Variants in SYNDIG1L observed in about 807,000 individuals in gnomAD.
SYNDIG1L encodes synapse differentiation inducing 1 like, also known as synapse differentiation-inducing gene protein 1-like.
SYNDIG1L carries 13 observed loss-of-function variants against 20.1 expected under a neutral mutation model. That is an observed-to-expected ratio of 0.65 (90% confidence interval 0.42 to 1.03). SYNDIG1L has a LOEUF of 1.03. Among genes scored for constraint, SYNDIG1L ranks in the 50% least tolerant of loss-of-function variants. The probability of loss-of-function intolerance (pLI) is 0.00; values close to 1 mark genes in which losing one functional copy is unlikely to be tolerated. For missense variants in SYNDIG1L, 294 were observed against 305.1 expected (o/e 0.96, Z 0.27); for synonymous variants, 128 against 129.3 (o/e 0.99, Z 0.07).
chr14:74,416,646 A>AAACC (rs758538204), intron 1 of SYNDIG1L, among the ~76,000 whole-genome samples: 73 of 146,086 alleles, frequency 5.0e-4, no homozygotes, highest in African/African-American at 1.9e-3. Context: ...AAACAAAAAC[A>AAACC]AACCAAACAA....
chr14:74,428,686 G>A (rs2086283444), upstream of SYNDIG1L, among the ~76,000 whole-genome samples: 1 of 152,198 alleles, frequency 6.6e-6, no homozygotes, highest in African/African-American at 2.4e-5. Context: ...CAGTCACCAG[G>A]CAGGCCATGG....
the SYNDIG1L span, among the ~76,000 whole-genome samples, chr14:74,448,423 G>A: frequency 1.3e-5 from 2 of 152,080 alleles, no homozygotes; most frequent in Non-Finnish European, 2.9e-5. Context: ...TTATAATGAT[G>A]AAAATGTTAA....
chr14:74,434,141 T>G, the SYNDIG1L span, among the ~76,000 whole-genome samples: 2 of 152,380 alleles, frequency 1.3e-5, no homozygotes, highest in African/African-American at 4.8e-5. Flanking sequence ...TGTCCCTTGA[T>G]GGAGGTAACT....
At chr14:74,478,100 C>A in the SYNDIG1L span, among the ~76,000 whole-genome samples, 1 of 152,186 alleles carries the variant, frequency 6.6e-6, no homozygotes, top group Non-Finnish European at 1.5e-5. Flanking sequence ...TCTGAAATAT[C>A]TACTTATACT....
chr14:74,462,923 C>T, the SYNDIG1L span, among the ~76,000 whole-genome samples: 1 of 152,124 alleles, frequency 6.6e-6, no homozygotes, highest in Non-Finnish European at 1.5e-5. Flanking sequence ...AGTGACAGTC[C>T]ATCCCTTCTG....
Position 74,412,094 on chromosome 14 carries a change from A to G in SYNDIG1L, c.-57-2293T>C, listed in dbSNP as rs187435906. 1.2e-3 allele frequency among the ~76,000 whole-genome samples: 186 copies of G among 152,328 alleles called. 1 individual carries two copies. The highest frequency in any genetic ancestry group is 2.1e-3 in the Non-Finnish European group (141 of 68,016). Reference sequence around the variant, plus strand: ...CTTGGATCATAGTTCTTCAGTGCTCACAAATGCAGGGCCTCCTCCTTCCTC... The same window carrying G: ...CTTGGATCATAGTTCTTCAGTGCTCGCAAATGCAGGGCCTCCTCCTTCCTC... On this transcript the variant is annotated intron_variant, in intron 1 of 3. Coordinates refer to ENST00000331628, the MANE Select transcript of SYNDIG1L (RefSeq NM_001105579.2).
Position 74,409,761 on chromosome 14 carries a change from C to G in SYNDIG1L, c.-17G>C, listed in dbSNP as rs1252210223. 2 of 1,413,392 alleles carry G rather than the reference C, an allele frequency of 1.4e-6. No individual in the cohort carries two copies. The highest frequency in any genetic ancestry group is 2.9e-5 in the African/African-American group (2 of 69,072). 87.6% of individuals were successfully genotyped at this position (1,413,392 alleles called of 1,614,324 possible). A position where few individuals can be genotyped will look rare whatever the true frequency, so the allele number is the denominator to read the frequency against. ...ACTCTCCATGGTTCTGGGGCAGCTG[C>G]TGGGGAGGGGGGCCTGGGCCAGCTG... On this transcript the variant is annotated 5_prime_UTR_variant, in exon 2 of 4. Coordinates refer to ENST00000331628, the MANE Select transcript of SYNDIG1L (RefSeq NM_001105579.2).
chr14:74,429,419 A>G (rs2086288274), upstream of SYNDIG1L, among the ~76,000 whole-genome samples: 1 of 152,252 alleles, frequency 6.6e-6, no homozygotes, highest in Non-Finnish European at 1.5e-5. Flanking sequence ...TTTTTCATGC[A>G]TAAACTCTTG....
At chr14:74,471,489 T>C in the SYNDIG1L span, among the ~76,000 whole-genome samples, 1 of 151,998 alleles carries the variant, frequency 6.6e-6, no homozygotes, top group African/African-American at 2.4e-5. Context: ...TCTCAGCTAC[T>C]TGGGGGACTG....
At chr14:74,427,911 C>T (rs2086278310), upstream of SYNDIG1L, among the ~76,000 whole-genome samples, 1 of 152,256 alleles carries the variant, frequency 6.6e-6, no homozygotes, top group African/African-American at 2.4e-5. Context: ...CTCTGCTGCT[C>T]CCCTCCCCAC....
intron 1 of SYNDIG1L, among the ~76,000 whole-genome samples, chr14:74,414,798 C>A (rs1304019813): frequency 6.6e-6 from 1 of 152,122 alleles, no homozygotes; most frequent in South Asian, 2.1e-4. Context: ...GGATAGAGGG[C>A]CTCCTTTTTC....
upstream of SYNDIG1L, among the ~76,000 whole-genome samples, chr14:74,427,120 T>C (rs1261773264): frequency 6.9e-6 from 1 of 144,212 alleles, no homozygotes; most frequent in East Asian, 2.0e-4. Context: ...TGCGTTTCCT[T>C]TTTTTTTTTT....
At chr14:74,433,448 A>G in the SYNDIG1L span, among the ~76,000 whole-genome samples, 6 of 151,930 alleles carry the variant, frequency 3.9e-5, no homozygotes, top group Non-Finnish European at 8.8e-5. Flanking sequence ...CAGTCGTGCA[A>G]TCTTGGCCCG....
chr14:74,442,780 A>C, the SYNDIG1L span, among the ~76,000 whole-genome samples: 36 of 152,336 alleles, frequency 2.4e-4, no homozygotes, highest in African/African-American at 7.9e-4. Context: ...AGATTAGGAG[A>C]TAAAATTGAC....
chr14:74,443,975 G>A, the SYNDIG1L span, among the ~76,000 whole-genome samples: 35 of 152,322 alleles, frequency 2.3e-4, no homozygotes, highest in Admixed American at 2.1e-3. Context: ...AACTCTTGCA[G>A]CTCTTAGAGC....
upstream of SYNDIG1L, among the ~76,000 whole-genome samples, chr14:74,429,610 G>T (rs2086289375): frequency 6.6e-6 from 1 of 152,216 alleles, no homozygotes; most frequent in African/African-American, 2.4e-5. Flanking sequence ...TCGGAGTTGA[G>T]CTCACGGCCA....
upstream of SYNDIG1L, among the ~76,000 whole-genome samples, chr14:74,430,119 G>A (rs907314349): frequency 3.9e-5 from 6 of 152,206 alleles, no homozygotes; most frequent in East Asian, 1.9e-4. Context: ...CTGGGGAGCA[G>A]AGTGGGTGAG....
the SYNDIG1L span, among the ~76,000 whole-genome samples, chr14:74,468,535 C>T: frequency 2.0e-5 from 3 of 152,094 alleles, no homozygotes; most frequent in Admixed American, 1.3e-4. Context: ...GCAATGAACT[C>T]CCAATAAGGC....
intron 1 of SYNDIG1L, among the ~76,000 whole-genome samples, chr14:74,410,055 C>T (rs536432236): frequency 6.6e-6 from 1 of 152,314 alleles, no homozygotes; most frequent in East Asian, 1.9e-4. Flanking sequence ...ATTTACTGAG[C>T]ATCAGCTATA....
Sources: gnomAD v4.1 joint callset for allele counts (sites outside exome capture counted in the v4.1 genomes callset) on GRCh38, gnomAD v4.1.1 for gene constraint, MANE v1.5 for transcripts, NCBI Gene and HGNC (gene_info 2026-07-23, HGNC 2026-07-21) for gene names.